Variants in NRXN1 observed in about 807,000 individuals in gnomAD.
The protein encoded by NRXN1 is neurexin 1.
In NRXN1, 39 loss-of-function variants were observed where a neutral mutation model predicts 150.9. That is an observed-to-expected ratio of 0.26 (90% CI 0.20 to 0.34). The LOEUF (loss-of-function observed/expected upper bound fraction) is 0.34. Among genes scored for constraint, NRXN1 ranks in the 10% least tolerant of loss-of-function variants. The pLI is 1.00. For missense variants in NRXN1, 1,815 were observed against 1,949.9 expected (o/e 0.93, Z 1.30); for synonymous variants, 924 against 757.0 (o/e 1.22, Z -3.62).
chr2:49,975,672 A>T (rs1678840225), intron 21 of NRXN1, among the ~76,000 whole-genome samples: 1 of 152,128 alleles, frequency 6.6e-6, no homozygotes, highest in South Asian at 2.1e-4. Context: ...TTCTCAACAA[A>T]CTTTATTCTT....
intron 17 of NRXN1, among the ~76,000 whole-genome samples, chr2:50,358,794 C>T (rs1472126987): frequency 3.3e-5 from 5 of 152,216 alleles, no homozygotes; most frequent in African/African-American, 1.2e-4. Flanking sequence ...GGGGAGACAC[C>T]TCCCAGCATG....
intron 17 of NRXN1, among the ~76,000 whole-genome samples, chr2:50,262,267 A>G (rs1220927470): frequency 6.6e-6 from 1 of 151,916 alleles, no homozygotes; most frequent in Non-Finnish European, 1.5e-5. Context: ...TAAGACATAA[A>G]TACAGAAGAA....
chr2:50,183,683 T>C (rs1353897068), intron 18 of NRXN1, among the ~76,000 whole-genome samples: 1 of 150,116 alleles, frequency 6.7e-6, no homozygotes, highest in Non-Finnish European at 1.5e-5. Flanking sequence ...TATTGGCATC[T>C]AGTGTGCAAA....
At chr2:50,681,427 C>A (rs1196806374) in intron 5 of NRXN1, among the ~76,000 whole-genome samples, 22 of 152,052 alleles carry the variant, frequency 1.4e-4, no homozygotes, top group Non-Finnish European at 2.9e-5. Flanking sequence ...GGAGTCAGAC[C>A]AGGCATGAGC....
At chr2:50,952,233 T>A (rs139591942) in intron 2 of NRXN1, among the ~76,000 whole-genome samples, 78 of 152,044 alleles carry the variant, frequency 5.1e-4, no homozygotes, top group African/African-American at 1.8e-3. Context: ...CCCAAAGTGC[T>A]GGGATTACAG....
At position 50,463,548 on chromosome 2, in the gene NRXN1, A is replaced by T. The variant is rs2088476366; in HGVS notation, c.3364+1894T>A. On this transcript the variant is annotated intron_variant, in intron 17 of 22. Transcript: ENST00000401669. Reference sequence around the variant, plus strand: ...TGAATGACATTTACCTATTTACAAGAAAATAACGAATAGCCTTATCATTGT... The same window carrying T: ...TGAATGACATTTACCTATTTACAAGTAAATAACGAATAGCCTTATCATTGT... 2.6e-5 allele frequency among the ~76,000 whole-genome samples: 4 copies of T among 151,800 alleles called. No homozygotes were observed. The South Asian group carries it at 8.3e-4, about 31-fold the overall frequency.
intron 5 of NRXN1, among the ~76,000 whole-genome samples, chr2:50,787,792 G>A (rs1304047099): frequency 6.6e-6 from 1 of 151,872 alleles, no homozygotes; most frequent in South Asian, 2.1e-4. Flanking sequence ...CCTGAGTAAG[G>A]ACATTGTGCA....
At chr2:50,912,062 G>A (rs182196020) in intron 5 of NRXN1, 42 of 151,872 alleles carry the variant, frequency 2.8e-4, no homozygotes, top group Admixed American at 2.8e-3. Flanking sequence ...ATTATGAGGT[G>A]AGTTATCAAG....
intron 2 of NRXN1, among the ~76,000 whole-genome samples, chr2:50,957,420 G>C (rs548787086): frequency 6.6e-6 from 1 of 152,232 alleles, no homozygotes; most frequent in South Asian, 2.1e-4. Flanking sequence ...TCATAACTGG[G>C]AGTGGATATT....
chr2:50,943,697 T>C (rs1457810261), intron 2 of NRXN1, among the ~76,000 whole-genome samples: 2 of 152,324 alleles, frequency 1.3e-5, no homozygotes, highest in Non-Finnish European at 1.5e-5. Context: ...GACTTCTGTG[T>C]AGCTCTGGTA....
intron 17 of NRXN1, among the ~76,000 whole-genome samples, chr2:50,400,666 T>C (rs1444841550): frequency 6.6e-6 from 1 of 152,146 alleles, no homozygotes; most frequent in Non-Finnish European, 1.5e-5. Context: ...CATGTCAGTG[T>C]GGACAAGTAA....
At chr2:50,341,688 C>T (rs2077559034) in intron 17 of NRXN1, among the ~76,000 whole-genome samples, 1 of 152,086 alleles carries the variant, frequency 6.6e-6, no homozygotes, top group African/African-American at 2.4e-5. Flanking sequence ...CAAAACAAGA[C>T]TTATATCTGT....
chr2:50,276,533 G>A lies in NRXN1; in HGVS notation c.3365-39563C>T, dbSNP rs190165116. ...TGTGCTAGGATCAAGTTTTGCAATG[G>A]GAATACTTACCCTTGGATCTCAGAG... On this transcript the variant is annotated intron_variant, in intron 17 of 22. Transcript: ENST00000401669. Among the ~76,000 whole-genome samples the A allele has an allele frequency of 1.4e-4, 22 of 152,164 alleles. No homozygotes were observed. In the East Asian group the frequency reaches 4.2e-3, roughly 29 times the overall value.
Position 49,949,989 on chromosome 2 carries a change from G to GA in NRXN1, c.4129-6199dup, listed in dbSNP as rs546920523. ...TATTTATCACTAGGTGAGGTTCCTT[G>GA]AAAAAAAAAAATTTTAACAGGATTC... On this transcript the variant is annotated intron_variant, in intron 21 of 22. Transcript: ENST00000401669. Among the ~76,000 whole-genome samples, 360 of 147,458 alleles carry GA rather than the reference G, an allele frequency of 2.4e-3. 1 individual carries two copies. Among genetic ancestry groups the GA allele is most frequent in the Middle Eastern group, 0.021 (6 of 286 alleles).
At chr2:50,236,557 A>G (rs2065448687) in intron 18 of NRXN1, among the ~76,000 whole-genome samples, 1 of 146,208 alleles carries the variant, frequency 6.8e-6, no homozygotes, top group Non-Finnish European at 1.5e-5. Flanking sequence ...TGAACACAGA[A>G]TTAAGAGGAA....
intron 18 of NRXN1, among the ~76,000 whole-genome samples, chr2:50,158,454 A>C (rs969823285): frequency 6.6e-6 from 1 of 152,002 alleles, no homozygotes; most frequent in Non-Finnish European, 1.5e-5. Flanking sequence ...GTTGGAACAG[A>C]GTGATGTCTA....
chr2:50,448,494 C>T (rs1223230852), intron 17 of NRXN1, among the ~76,000 whole-genome samples: 1 of 152,146 alleles, frequency 6.6e-6, no homozygotes. Context: ...ATGATTAAAG[C>T]ATTAGTGGTG....
chr2:50,648,698 G>T (rs919038796), intron 5 of NRXN1, among the ~76,000 whole-genome samples: 2 of 151,872 alleles, frequency 1.3e-5, no homozygotes, highest in Non-Finnish European at 2.9e-5. Flanking sequence ...GGATTTAATG[G>T]GTCAGCAAGC....
intron 18 of NRXN1, among the ~76,000 whole-genome samples, chr2:50,141,966 A>C (rs1707335609): frequency 6.6e-6 from 1 of 152,096 alleles, no homozygotes; most frequent in African/African-American, 2.4e-5. Context: ...ATCCAAAGGA[A>C]AGGAAATCAG....
Sources: allele counts gnomAD v4.1 joint callset (sites outside exome capture counted in the v4.1 genomes callset), GRCh38; gene constraint gnomAD v4.1.1; transcripts MANE v1.5; gene names NCBI Gene and HGNC (gene_info 2026-07-23, HGNC 2026-07-21).